Variants in ADAMTS17 observed in about 807,000 individuals in gnomAD.
ADAMTS17 encodes the protein ADAM metallopeptidase with thrombospondin type 1 motif 17.
ADAMTS17 carries 113 observed loss-of-function variants against 141.5 expected under a neutral mutation model. The observed-to-expected ratio is 0.80, with a 90% CI of 0.69 to 0.93. The LOEUF is 0.93. Ranked by LOEUF, ADAMTS17 falls within the 40% of genes least tolerant of loss-of-function variation. The pLI is 0.00. For synonymous variants in ADAMTS17, 768 were observed against 630.6 expected, an observed-to-expected ratio of 1.22 and a Z score of -3.27; for missense variants, 1,659 against 1,517.9, an observed-to-expected ratio of 1.09 and a Z score of -1.54.
At chr15:100,079,771 G>C (rs755899808) in intron 15 of ADAMTS17, among the ~76,000 whole-genome samples, 6 of 152,158 alleles carry the variant, frequency 3.9e-5, no homozygotes, top group Non-Finnish European at 8.8e-5. Context: ...TACCATCCGT[G>C]GAGTCTCGGA....
chr15:100,073,415 G>A (rs182010599), intron 15 of ADAMTS17, among the ~76,000 whole-genome samples: 3,649 of 152,072 alleles, frequency 0.024, 147 homozygotes, highest in African/African-American at 0.083. Context: ...ATTACTGGGT[G>A]TATACCCAAA....
chr15:99,988,851 C>G (rs566993130), intron 20 of ADAMTS17, among the ~76,000 whole-genome samples: 7 of 152,208 alleles, frequency 4.6e-5, no homozygotes, highest in Admixed American at 1.3e-4. Context: ...GAGTGAGCCA[C>G]GTGATGCATG....
intron 7 of ADAMTS17, among the ~76,000 whole-genome samples, chr15:100,251,036 T>G (rs1464523424): frequency 6.6e-6 from 1 of 152,108 alleles, no homozygotes; most frequent in Non-Finnish European, 1.5e-5. Context: ...ATATGACACG[T>G]TAAGAGAAAC....
intron 7 of ADAMTS17, among the ~76,000 whole-genome samples, chr15:100,232,029 T>A (rs1429206420): frequency 6.6e-6 from 1 of 152,192 alleles, no homozygotes; most frequent in African/African-American, 2.4e-5. Context: ...GTAACAAAAA[T>A]GAATCACGGC....
chr15:100,279,881 C>T (rs1439952238), intron 4 of ADAMTS17, among the ~76,000 whole-genome samples: 1 of 152,142 alleles, frequency 6.6e-6, no homozygotes, highest in African/African-American at 2.4e-5. Flanking sequence ...CCTCATCAAG[C>T]ATCTACAGAC....
intron 7 of ADAMTS17, among the ~76,000 whole-genome samples, chr15:100,206,103 G>A (rs1245379354): frequency 2.0e-5 from 3 of 152,224 alleles, no homozygotes; most frequent in African/African-American, 4.8e-5. Context: ...CTCCCTGTGT[G>A]GGGAGCAACG....
intron 15 of ADAMTS17, among the ~76,000 whole-genome samples, chr15:100,078,215 CTTTT>C (rs201915809): frequency 3.5e-5 from 5 of 141,772 alleles, no homozygotes; most frequent in African/African-American, 7.5e-5. Context: ...AAAATCCCAG[CTTTT>C]TTTTTTTTTT....
rs111484516 is a variant in ADAMTS17 at position 99,989,377 on chromosome 15, A to G, written c.2949+3671T>C. Reference sequence around the variant, plus strand: ...GACCCCTGTGGGCACAGGCGCCAACAATAGTACAGGCTGCATTTAGGGCGT... The same window carrying G: ...GACCCCTGTGGGCACAGGCGCCAACGATAGTACAGGCTGCATTTAGGGCGT... On this transcript the variant is annotated intron_variant, in intron 20 of 21. Coordinates refer to ENST00000268070, the MANE Select transcript of ADAMTS17 (RefSeq NM_139057.4). 4.8e-3 allele frequency among the ~76,000 whole-genome samples: 725 copies of G among 152,312 alleles called. 7 individuals carry two copies. Among genetic ancestry groups the G allele is most frequent in the African/African-American group, 0.016 (681 of 41,576 alleles).
intron 18 of ADAMTS17, among the ~76,000 whole-genome samples, chr15:100,040,679 CAAA>C (rs113073664): frequency 9.7e-6 from 1 of 102,662 alleles, no homozygotes; most frequent in Non-Finnish European, 2.3e-5. Flanking sequence ...GTCAAATGAC[CAAA>C]AAAAAAAAAA....
chr15:100,116,812 A>T, intron 13 of ADAMTS17, 35 bp downstream of exon 13: 2 of 1,613,698 alleles, frequency 1.2e-6, no homozygotes, highest in Non-Finnish European at 1.7e-6. Flanking sequence ...GGAGGACAGG[A>T]GGCTGCCATG....
chr15:100,032,805 T>G (rs923760216), intron 18 of ADAMTS17, among the ~76,000 whole-genome samples: 5 of 152,206 alleles, frequency 3.3e-5, no homozygotes, highest in African/African-American at 1.2e-4. Context: ...TCTCGAAGTC[T>G]TCATCTGTAA....
intron 3 of ADAMTS17, among the ~76,000 whole-genome samples, chr15:100,290,282 C>G (rs1164584553): frequency 6.6e-6 from 1 of 152,010 alleles, no homozygotes; most frequent in African/African-American, 2.4e-5. Flanking sequence ...ATAAAATACC[C>G]AGGAATAAGG....
At chr15:100,167,315 G>A (rs1405244904) in intron 8 of ADAMTS17, among the ~76,000 whole-genome samples, 1 of 152,192 alleles carries the variant, frequency 6.6e-6, no homozygotes, top group Non-Finnish European at 1.5e-5. Context: ...TAGTGGCCAG[G>A]TGTAGACATC....
chr15:100,309,032 C>T (rs1048013135), intron 3 of ADAMTS17, among the ~76,000 whole-genome samples: 5 of 152,236 alleles, frequency 3.3e-5, no homozygotes, highest in Non-Finnish European at 7.3e-5. Flanking sequence ...CAACATGGTC[C>T]TCATTCTTAC....
intron 15 of ADAMTS17, among the ~76,000 whole-genome samples, chr15:100,072,226 A>T (rs1459044396): frequency 6.7e-6 from 1 of 148,336 alleles, no homozygotes; most frequent in East Asian, 2.0e-4. Context: ...TTCAAGGAGA[A>T]CTACAAACCA....
At position 99,971,761 on chromosome 15, in the gene ADAMTS17, G is replaced by C. The variant is rs879898681; in HGVS notation, c.*2641C>G. On this transcript the variant is annotated 3_prime_UTR_variant, in exon 22 of 22. Coordinates refer to ENST00000268070, the MANE Select transcript of ADAMTS17 (RefSeq NM_139057.4). ...TGCACCAATAAAAATAGCACCGTAG[G>C]GTCGTGAGACTCTGGTAACACGTGC... 2 of 152,228 alleles carry C rather than the reference G, an allele frequency of 1.3e-5. No homozygotes were observed. Among genetic ancestry groups the C allele is most frequent in the South Asian group, 2.1e-4 (1 of 4,830 alleles). The allele number at this position is 152,228 out of a possible 1,614,324, so 9.4% of individuals were successfully genotyped here.
intron 4 of ADAMTS17, among the ~76,000 whole-genome samples, chr15:100,270,118 T>G: frequency 8.3e-6 from 1 of 121,068 alleles, no homozygotes; most frequent in South Asian, 2.3e-4. Flanking sequence ...CAGCCATTTC[T>G]TCTGTGACTC....
chr15:100,025,122 T>C (rs1405642853), intron 18 of ADAMTS17, among the ~76,000 whole-genome samples: 4 of 152,210 alleles, frequency 2.6e-5, no homozygotes, highest in African/African-American at 7.2e-5. Context: ...ATACTTTATA[T>C]AAATGGCTGC....
At chr15:99,984,442 G>A (rs1349772248) in intron 20 of ADAMTS17, among the ~76,000 whole-genome samples, 1 of 152,150 alleles carries the variant, frequency 6.6e-6, no homozygotes, top group East Asian at 1.9e-4. Context: ...CACACTCGAG[G>A]GACTGTTCTT....
Sources: gnomAD v4.1 joint callset for allele counts (sites outside exome capture counted in the v4.1 genomes callset) on GRCh38, gnomAD v4.1.1 for gene constraint, MANE v1.5 for transcripts, NCBI Gene and HGNC (gene_info 2026-07-23, HGNC 2026-07-21) for gene names.